Variants in ZNF804B observed in about 807,000 individuals in gnomAD.
ZNF804B encodes zinc finger protein 804B.
Under a neutral mutation model 101.4 loss-of-function variants are expected in ZNF804B, and 80 were observed. That is an observed-to-expected ratio of 0.79 (90% confidence interval 0.66 to 0.95). The LOEUF is 0.95. ZNF804B is among the 40% of genes least tolerant of loss of function. The probability of loss-of-function intolerance (pLI) is 0.00; values close to 1 mark genes in which losing one functional copy is unlikely to be tolerated. For synonymous variants in ZNF804B, 622 were observed against 558.8 expected, an observed-to-expected ratio of 1.11 and a Z score of -1.59; for missense variants, 1,673 against 1,561.9, an observed-to-expected ratio of 1.07 and a Z score of -1.20.
At chr7:89,058,013 G>A (rs565611556) in intron 1 of ZNF804B, among the ~76,000 whole-genome samples, 10 of 152,168 alleles carry the variant, frequency 6.6e-5, no homozygotes, top group South Asian at 2.1e-4. Context: ...AAAGAGAAAC[G>A]TTCCAGAGTC....
intron 1 of ZNF804B, among the ~76,000 whole-genome samples, chr7:88,837,890 T>A (rs1242064321): frequency 6.6e-6 from 1 of 151,806 alleles, no homozygotes; most frequent in Non-Finnish European, 1.5e-5. Flanking sequence ...CTCCCCAAGT[T>A]TTTTAAGAAA....
chr7:88,988,166 T>C (rs1438989474), intron 1 of ZNF804B, among the ~76,000 whole-genome samples: 1 of 152,010 alleles, frequency 6.6e-6, no homozygotes, highest in African/African-American at 2.4e-5. Context: ...AATTTGTTTG[T>C]AGCCTAATGA....
chr7:89,336,742 A>G lies in ZNF804B; in HGVS notation c.3760A>G (p.Thr1254Ala). Residue 1254 changes from threonine (T) to alanine (A), a missense_variant, in exon 4 of 4, where the codon ACC (threonine) becomes GCC (alanine). By Grantham distance (58) the Thr-to-Ala change is moderately conservative. Coordinates refer to ENST00000333190, the MANE Select transcript of ZNF804B (RefSeq NM_181646.5). The part of the protein sequence containing the change: ...SPISFSTLTP[T>A]IIPAHPTFLA... ...TATTTCATTTTCGACTCTGACTCCA[A>G]CCATTATCCCTGCACACCCCACTTT... 1 of 1,614,006 alleles carries G rather than the reference A, an allele frequency of 6.2e-7. No homozygotes were observed. The highest frequency in any genetic ancestry group is 8.5e-7 in the Non-Finnish European group (1 of 1,179,992).
chr7:88,921,094 G>A (rs2115997039), intron 1 of ZNF804B, among the ~76,000 whole-genome samples: 1 of 152,142 alleles, frequency 6.6e-6, no homozygotes, highest in East Asian at 1.9e-4. Flanking sequence ...ATTCTTTTTA[G>A]CACAATAATC....
chr7:88,912,672 C>T (rs534286206), intron 1 of ZNF804B, among the ~76,000 whole-genome samples: 30 of 151,968 alleles, frequency 2.0e-4, no homozygotes, highest in Non-Finnish European at 3.5e-4. Flanking sequence ...TATACTAATC[C>T]GGCTCTTCAT....
chr7:89,277,714 G>C (rs956254977), intron 2 of ZNF804B, among the ~76,000 whole-genome samples: 1 of 151,740 alleles, frequency 6.6e-6, no homozygotes, highest in Middle Eastern at 3.4e-3. Flanking sequence ...ATTCCATGGT[G>C]TATATGTGCC....
chr7:89,077,193 G>T (rs754418093), intron 1 of ZNF804B, among the ~76,000 whole-genome samples: 4 of 152,072 alleles, frequency 2.6e-5, no homozygotes, highest in Non-Finnish European at 5.9e-5. Flanking sequence ...AGGAAAAGCA[G>T]GTTCTTGGGA....
intron 2 of ZNF804B, among the ~76,000 whole-genome samples, chr7:89,254,802 C>T (rs1416098418): frequency 6.6e-6 from 1 of 151,892 alleles, no homozygotes; most frequent in Non-Finnish European, 1.5e-5. Context: ...CCCGCCACCA[C>T]ACCCAACTAA....
Position 89,336,644 on chromosome 7 carries a change from C to A in ZNF804B, c.3662C>A (p.Ala1221Asp), listed in dbSNP as rs200870344. 2.2e-4 allele frequency: 359 copies of A among 1,614,106 alleles called. No individual in the cohort carries two copies. Among genetic ancestry groups the A allele is most frequent in the South Asian group, 8.8e-4 (80 of 91,076 alleles). Reference sequence around the variant, plus strand: ...TTCCTGCAGCATTTTGCTGTTTCTGCTTCCTTAAGTTCTCATAGCAGTCAC... The same window carrying A: ...TTCCTGCAGCATTTTGCTGTTTCTGATTCCTTAAGTTCTCATAGCAGTCAC... ...HTFLQHFAVS[A>D]SLSSHSSHLP... Residue 1221 changes from alanine to aspartate, a missense_variant, in exon 4 of 4, where the codon GCT becomes GAT. Coordinates refer to ENST00000333190, the MANE Select transcript of ZNF804B (RefSeq NM_181646.5).
At chr7:89,298,156 T>C (rs1446176997) in intron 2 of ZNF804B, among the ~76,000 whole-genome samples, 1 of 135,772 alleles carries the variant, frequency 7.4e-6, no homozygotes, top group African/African-American at 2.7e-5. Context: ...ATATATAGTA[T>C]ATATATATAT....
chr7:88,781,420 T>G (rs979236820), intron 1 of ZNF804B, among the ~76,000 whole-genome samples: 2 of 152,160 alleles, frequency 1.3e-5, no homozygotes, highest in Non-Finnish European at 2.9e-5. Context: ...GACTCCTTGT[T>G]GTAGAGACAT....
intron 1 of ZNF804B, among the ~76,000 whole-genome samples, chr7:88,825,563 G>C (rs3847039): frequency 0.17 from 26,343 of 151,960 alleles, 2,374 homozygotes; most frequent in African/African-American, 0.24. Flanking sequence ...AGTAGAGAGA[G>C]GTCAAAGTAA....
chr7:89,210,163 G>T (rs926127032), intron 1 of ZNF804B, among the ~76,000 whole-genome samples: 3 of 148,682 alleles, frequency 2.0e-5, no homozygotes, highest in East Asian at 3.9e-4. Flanking sequence ...AAAAAAGAAA[G>T]AAATCAATCA....
At position 89,251,312 on chromosome 7, in the gene ZNF804B, A is replaced by C. The variant is rs568968081; in HGVS notation, c.249+33017A>C. On this transcript the variant is annotated intron_variant, in intron 2 of 3. Coordinates refer to ENST00000333190, the MANE Select transcript of ZNF804B (RefSeq NM_181646.5). Reference sequence around the variant, plus strand: ...ATACACCAATAATATTCAAGGTGAGACCCAAATCAAAAACACAATTTCATT... The same window carrying C: ...ATACACCAATAATATTCAAGGTGAGCCCCAAATCAAAAACACAATTTCATT... 7.7e-4 allele frequency among the ~76,000 whole-genome samples: 117 copies of C among 152,304 alleles called. No individual in the cohort carries two copies. The Middle Eastern group carries it at 0.017, about 22-fold the overall frequency.
chr7:88,967,720 A>C (rs1312216467), intron 1 of ZNF804B, among the ~76,000 whole-genome samples: 14 of 19,088 alleles, frequency 7.3e-4, no homozygotes, highest in African/African-American at 2.7e-3. Flanking sequence ...AAAAAGCAAA[A>C]AAAAAAAAAA....
Position 89,106,780 on chromosome 7 carries a change from A to G in ZNF804B, c.109-111375A>G, listed in dbSNP as rs1790143253. Among the ~76,000 whole-genome samples the G allele has an allele frequency of 2.0e-5, 3 of 152,154 alleles. No individual in the cohort carries two copies. The South Asian group carries it at 6.2e-4, about 31-fold the overall frequency. ...AGGTAAGTGATATGTTTTAGAATACAAAAACAAGACCAAGCTAATATGGAG... is the reference window on the plus strand; with the variant it reads ...AGGTAAGTGATATGTTTTAGAATACGAAAACAAGACCAAGCTAATATGGAG... On this transcript the variant is annotated intron_variant, in intron 1 of 3. Coordinates refer to ENST00000333190, the MANE Select transcript of ZNF804B (RefSeq NM_181646.5).
At chr7:89,022,032 G>C (rs548660386) in intron 1 of ZNF804B, among the ~76,000 whole-genome samples, 26 of 152,268 alleles carry the variant, frequency 1.7e-4, no homozygotes, top group African/African-American at 6.3e-4. Context: ...TGACAGTGGG[G>C]GTTGGTGGAG....
intron 1 of ZNF804B, among the ~76,000 whole-genome samples, chr7:89,128,355 T>C (rs966724478): frequency 6.6e-6 from 1 of 152,000 alleles, no homozygotes; most frequent in Non-Finnish European, 1.5e-5. Flanking sequence ...CATTTCACAA[T>C]GTATATATAC....
rs530099948 is a variant in ZNF804B at position 88,910,664 on chromosome 7, A to G, written c.108+150580A>G. On this transcript the variant is annotated intron_variant, in intron 1 of 3. Transcript: ENST00000333190. ...GTGAATCTTTGCATGTTCCTTCTCC[A>G]CATTTAGGTGAGAGAATGTTTCATC... is the stretch of plus-strand genomic sequence containing the variant. Among the ~76,000 whole-genome samples, 17 of 151,972 alleles carry G rather than the reference A, an allele frequency of 1.1e-4. 1 individual carries two copies. The South Asian group carries it at 2.3e-3, about 20-fold the overall frequency.
Sources: allele counts gnomAD v4.1 joint callset (sites outside exome capture counted in the v4.1 genomes callset), GRCh38; gene constraint gnomAD v4.1.1; transcripts MANE v1.5; gene names NCBI Gene and HGNC (gene_info 2026-07-23, HGNC 2026-07-21).